The following SHTN1 variants were observed in gnomAD, a reference collection of about 807,000 sequenced individuals.
The protein encoded by SHTN1 is shootin-1.
SHTN1 carries 42 observed loss-of-function variants against 83.1 expected under a neutral mutation model. That is an observed-to-expected ratio of 0.51 (90% confidence interval 0.39 to 0.65). The LOEUF (loss-of-function observed/expected upper bound fraction) is 0.65, where lower values mean the gene tolerates loss of function less well. Ranked by LOEUF, SHTN1 falls within the 30% of genes least tolerant of loss-of-function variation. The pLI is 0.00. For synonymous variants in SHTN1, 224 were observed against 247.7 expected, an observed-to-expected ratio of 0.90 and a Z score of 0.90; for missense variants, 622 against 737.8, an observed-to-expected ratio of 0.84 and a Z score of 1.82.
chr10:116,960,492 AT>A (rs1157461522), intron 3 of SHTN1, among the ~76,000 whole-genome samples: 4 of 152,134 alleles, frequency 2.6e-5, no homozygotes, highest in African/African-American at 4.8e-5. Context: ...CGCTATTTAG[AT>A]TTTTTTACAA....
chr10:117,005,182 T>G lies in SHTN1; in HGVS notation c.-103A>C. 1 of 1,535,258 alleles carries G rather than the reference T, an allele frequency of 6.5e-7. No homozygotes were observed. Among genetic ancestry groups the G allele is most frequent in the South Asian group, 1.2e-5 (1 of 83,414 alleles). On this transcript the variant is annotated 5_prime_UTR_variant, in exon 1 of 17. Coordinates refer to ENST00000355371, the MANE Select transcript of SHTN1 (RefSeq NM_001127211.3). Reference sequence around the variant, plus strand: ...AGATGCCGGTGGCTTGCGGCTCCACTACCCGGAAGTTGGATCCGCTCCCGC... The same window carrying G: ...AGATGCCGGTGGCTTGCGGCTCCACGACCCGGAAGTTGGATCCGCTCCCGC...
In SHTN1 at chr10:116,940,518, T is replaced by C. The variant is rs1849330323; in HGVS notation, c.806A>G (p.Asn269Ser). The change falls in exon 9 of 17, where the codon AAT becomes AGT. Residue 269 changes from asparagine to serine, a missense_variant. Asn to Ser is a conservative substitution (Grantham distance 46). Around this residue, in one of 3 missense-constraint regions of SHTN1, gnomAD observed 383 missense variants for 455.8 expected, o/e 0.84. Transcript: ENST00000355371. ...DQQLLKALDE[N>S]AKLTQQLEEE... ...TTCAAGTTGCTGGGTGAGTTTTGCA[T>C]TTTCGTCTAAAGCTTTCAAAAGCTG... 6.2e-7 allele frequency: 1 copy of C among 1,613,936 alleles called. No homozygotes were observed. Among genetic ancestry groups the C allele is most frequent in the Admixed American group, 1.7e-5 (1 of 59,988 alleles).
chr10:117,107,249 G>C (rs537050891), intron 1 of SHTN1, among the ~76,000 whole-genome samples: 24 of 152,154 alleles, frequency 1.6e-4, no homozygotes, highest in African/African-American at 5.6e-4. Context: ...TGAGGAAACA[G>C]TTTTGGGACG....
At position 116,991,044 on chromosome 10, in the gene SHTN1, G is replaced by A. The variant is rs183998617; in HGVS notation, c.59-11736C>T. On this transcript the variant is annotated intron_variant, in intron 1 of 16. Coordinates refer to ENST00000355371, the MANE Select transcript of SHTN1 (RefSeq NM_001127211.3). ...TACTAAAAATACAAAAAATTAGCCA[G>A]GCGCGGTGGTGGGCGCCTGTAGTCC... Among the ~76,000 whole-genome samples the A allele has an allele frequency of 7.5e-3, 1,146 of 152,200 alleles. 8 individuals are homozygous for A. Among genetic ancestry groups the A allele is most frequent in the African/African-American group, 0.026 (1,073 of 41,522 alleles).
intron 4 of SHTN1, among the ~76,000 whole-genome samples, chr10:116,956,751 C>T (rs1849992131): frequency 6.6e-6 from 1 of 152,098 alleles, no homozygotes; most frequent in Non-Finnish European, 1.5e-5. Context: ...CCCTATCAAA[C>T]CAGGCACCAA....
intron 1 of SHTN1, among the ~76,000 whole-genome samples, chr10:117,066,555 T>C (rs1448624439): frequency 6.6e-6 from 1 of 152,122 alleles, no homozygotes; most frequent in Non-Finnish European, 1.5e-5. Flanking sequence ...TGGGACAATA[T>C]TATAAGGAAT....
At chr10:117,056,548 A>G (rs1330242208) in intron 1 of SHTN1, among the ~76,000 whole-genome samples, 1 of 152,206 alleles carries the variant, frequency 6.6e-6, no homozygotes, top group African/African-American at 2.4e-5. Flanking sequence ...GGTGGCTCAC[A>G]CCTGTAATCC....
chr10:116,950,829 G>C (rs1266968742), intron 6 of SHTN1, among the ~76,000 whole-genome samples: 1 of 152,122 alleles, frequency 6.6e-6, no homozygotes, highest in African/African-American at 2.4e-5. Context: ...GCTCAGGCTG[G>C]GAAGTTGGCA....
At chr10:116,992,653 T>C (rs547286371) in intron 1 of SHTN1, among the ~76,000 whole-genome samples, 7 of 152,244 alleles carry the variant, frequency 4.6e-5, no homozygotes, top group South Asian at 4.1e-4. Flanking sequence ...CCTGAGAAAC[T>C]ATCCCTTTTA....
chr10:117,118,362 T>C (rs1853878615), intron 1 of SHTN1, among the ~76,000 whole-genome samples: 1 of 32,996 alleles, frequency 3.0e-5, no homozygotes. Context: ...ATAATCCATT[T>C]CAAAAAAAAA....
At chr10:116,999,375 G>C (rs749609659) in intron 1 of SHTN1, among the ~76,000 whole-genome samples, 3 of 152,192 alleles carry the variant, frequency 2.0e-5, no homozygotes, top group African/African-American at 4.8e-5. Context: ...TGGGAATGGG[G>C]TCATAGCATG....
chr10:116,982,080 A>G (rs1380982549), intron 1 of SHTN1, among the ~76,000 whole-genome samples: 1 of 152,154 alleles, frequency 6.6e-6, no homozygotes, highest in Admixed American at 6.5e-5. Flanking sequence ...ACAAACAAAC[A>G]GAAACCCATG....
At chr10:117,121,828 C>T (rs370537856) in intron 1 of SHTN1, among the ~76,000 whole-genome samples, 13 of 151,962 alleles carry the variant, frequency 8.6e-5, no homozygotes, top group Admixed American at 2.6e-4. Flanking sequence ...GTCAGGAGAT[C>T]GAGACCATCC....
At chr10:116,978,878 C>T (rs1850908525) in intron 2 of SHTN1, among the ~76,000 whole-genome samples, 1 of 152,186 alleles carries the variant, frequency 6.6e-6, no homozygotes, top group African/African-American at 2.4e-5. Context: ...AGAGTTTTCT[C>T]TAGGACCCAA....
In SHTN1 at chr10:116,884,401, G is replaced by T. The variant is rs1016675851; in HGVS notation, c.*1943C>A. On this transcript the variant is annotated 3_prime_UTR_variant, in exon 17 of 17. Transcript: ENST00000355371. ...AAAATGCTTTGTAATCACAGTGAGA[G>T]AAAGTAAGCAGCTTAAAAAAGGCAG... The T allele has an allele frequency of 5.2e-6, 2 of 383,946 alleles. No individual in the cohort carries two copies. Among genetic ancestry groups the T allele is most frequent in the African/African-American group, 4.2e-5 (2 of 47,746 alleles). 23.8% of individuals were successfully genotyped at this position (383,946 alleles called of 1,614,324 possible).
upstream of SHTN1, among the ~76,000 whole-genome samples, chr10:117,006,058 A>T (rs1852001297): frequency 6.6e-6 from 1 of 152,260 alleles, no homozygotes; most frequent in Middle Eastern, 3.4e-3. Flanking sequence ...GCATTGTTTC[A>T]AAGGTGCTTC....
At chr10:117,032,277 C>T (rs564847314) in intron 2 of SHTN1, among the ~76,000 whole-genome samples, 1 of 152,236 alleles carries the variant, frequency 6.6e-6, no homozygotes, top group African/African-American at 2.4e-5. Flanking sequence ...GATCTTGGCT[C>T]ACTGCAACCT....
chr10:117,048,916 G>A (rs925577814), intron 1 of SHTN1, among the ~76,000 whole-genome samples: 3 of 152,138 alleles, frequency 2.0e-5, no homozygotes. Flanking sequence ...TAAAGGCCTA[G>A]GTGGGAATCT....
At chr10:116,930,890 G>A (rs1189370588) in intron 9 of SHTN1, among the ~76,000 whole-genome samples, 1 of 152,114 alleles carries the variant, frequency 6.6e-6, no homozygotes, top group Non-Finnish European at 1.5e-5. Flanking sequence ...GCCAACATCT[G>A]CTATTTTTTG....
Sources: allele counts gnomAD v4.1 joint callset (sites outside exome capture counted in the v4.1 genomes callset), GRCh38; gene constraint gnomAD v4.1.1; regional missense constraint gnomAD v4.1.1; transcripts MANE v1.5; gene names NCBI Gene and HGNC (gene_info 2026-07-23, HGNC 2026-07-21).